The following PCDHA12 variants were observed in gnomAD, a reference collection of about 807,000 sequenced individuals.
PCDHA12 encodes protocadherin alpha-12.
In PCDHA12, 44 loss-of-function variants were observed where a neutral mutation model predicts 60.0. The ratio of observed to expected loss-of-function variants is 0.73; its 90% confidence interval spans 0.58 to 0.94. PCDHA12 has a LOEUF of 0.94. Among genes scored for constraint, PCDHA12 ranks in the 40% least tolerant of loss-of-function variants. The pLI, the probability that PCDHA12 is intolerant of heterozygous loss-of-function variation, is 0.00. For synonymous variants in PCDHA12, 569 were observed against 553.0 expected, an observed-to-expected ratio of 1.03 and a Z score of -0.40; for missense variants, 1,276 against 1,239.7, an observed-to-expected ratio of 1.03 and a Z score of -0.44.
intron 3 of PCDHA12, among the ~76,000 whole-genome samples, chr5:140,996,644 A>G (rs2097736322): frequency 6.6e-6 from 1 of 152,144 alleles, no homozygotes; most frequent in Non-Finnish European, 1.5e-5. Flanking sequence ...TATGTAGTTA[A>G]TCCTGGGTGC....
intron 1 of PCDHA12, among the ~76,000 whole-genome samples, chr5:140,970,926 G>A (rs1179837731): frequency 6.6e-6 from 1 of 152,154 alleles, no homozygotes; most frequent in Non-Finnish European, 1.5e-5. Flanking sequence ...AGAAGTGCCT[G>A]GTGTTAGTCA....
At chr5:140,927,045 C>T (rs965998627) in intron 1 of PCDHA12, 8 of 1,612,136 alleles carry the variant, frequency 5.0e-6, no homozygotes, top group African/African-American at 1.3e-5. Flanking sequence ...CCGCTATGTC[C>T]TCGCGGAACT....
At chr5:140,974,372 G>A (rs782769705) in intron 1 of PCDHA12, among the ~76,000 whole-genome samples, 28 of 152,076 alleles carry the variant, frequency 1.8e-4, no homozygotes, top group Non-Finnish European at 4.0e-4. Flanking sequence ...AGCACTTTCT[G>A]TTGTACTGGA....
At chr5:140,965,195 T>C (rs1368041910) in intron 1 of PCDHA12, among the ~76,000 whole-genome samples, 3 of 152,198 alleles carry the variant, frequency 2.0e-5, no homozygotes, top group Admixed American at 6.5e-5. Context: ...CATGAGGCAA[T>C]AGATTTCAAA....
chr5:140,875,402 C>T lies in PCDHA12; in HGVS notation c.-71C>T. The T allele has an allele frequency of 6.7e-7, 1 of 1,488,874 alleles. No homozygotes were observed. The highest frequency in any genetic ancestry group is 8.9e-7 in the Non-Finnish European group (1 of 1,120,936). 92.2% of individuals were successfully genotyped at this position (1,488,874 alleles called of 1,614,324 possible). On this transcript the variant is annotated 5_prime_UTR_variant, in exon 1 of 4. Transcript: ENST00000398631. Reference sequence around the variant, plus strand: ...ATGTACTTACAGAAAAGGGTGACTGCTCATAAAATACCTCAGGCAAGCGAT... The same window carrying T: ...ATGTACTTACAGAAAAGGGTGACTGTTCATAAAATACCTCAGGCAAGCGAT...
intron 3 of PCDHA12, among the ~76,000 whole-genome samples, chr5:140,988,079 G>A (rs1431334458): frequency 6.6e-6 from 1 of 152,188 alleles, no homozygotes; most frequent in Non-Finnish European, 1.5e-5. Flanking sequence ...TATTTCATGA[G>A]TGAGTGCAGC....
intron 1 of PCDHA12, chr5:140,966,748 T>G: frequency 1.4e-6 from 2 of 1,426,956 alleles, no homozygotes; most frequent in Non-Finnish European, 1.8e-6. Flanking sequence ...CCCGGCTGCC[T>G]CCGCCGCGGC....
chr5:140,978,642 C>T (rs140934683), intron 1 of PCDHA12, among the ~76,000 whole-genome samples: 126 of 152,354 alleles, frequency 8.3e-4, no homozygotes, highest in African/African-American at 2.8e-3. Context: ...TCAAAGCAGA[C>T]TGTTCTTCCC....
intron 1 of PCDHA12, among the ~76,000 whole-genome samples, chr5:140,946,631 T>TATATATATATATATATATACACAC (rs57893927): frequency 7.6e-6 from 1 of 131,846 alleles, no homozygotes; most frequent in South Asian, 2.2e-4. Context: ...TATATATATA[T>TATATATATATATATATATACACAC]ACAATGGAAT....
intron 1 of PCDHA12, chr5:140,882,402 T>A (rs782437506): frequency 3.7e-6 from 6 of 1,614,052 alleles, no homozygotes; most frequent in South Asian, 1.1e-5. Flanking sequence ...GGCACCTTCG[T>A]GGGCCGCATC....
At chr5:140,961,876 T>G (rs929753490) in intron 1 of PCDHA12, among the ~76,000 whole-genome samples, 1 of 151,746 alleles carries the variant, frequency 6.6e-6, no homozygotes, top group South Asian at 2.1e-4. Context: ...ATAATTGACT[T>G]ACTTACATCA....
At chr5:141,006,813 T>C (rs1171771789) in intron 3 of PCDHA12, among the ~76,000 whole-genome samples, 1 of 152,018 alleles carries the variant, frequency 6.6e-6, no homozygotes, top group African/African-American at 2.4e-5. Flanking sequence ...GCTTGAGAAA[T>C]GGGGTAAATG....
chr5:140,972,552 T>G (rs1247039171), intron 1 of PCDHA12, among the ~76,000 whole-genome samples: 1 of 152,160 alleles, frequency 6.6e-6, no homozygotes, highest in Admixed American at 6.5e-5. Flanking sequence ...CAGTGAGGAT[T>G]CTGAAGTAAC....
At chr5:140,956,403 A>C (rs1475566345) in intron 1 of PCDHA12, among the ~76,000 whole-genome samples, 1 of 152,178 alleles carries the variant, frequency 6.6e-6, no homozygotes, top group African/African-American at 2.4e-5. Context: ...ATCCATTGAG[A>C]TAATCATGTG....
At chr5:140,976,241 T>C (rs1170027788) in intron 1 of PCDHA12, among the ~76,000 whole-genome samples, 3 of 152,144 alleles carry the variant, frequency 2.0e-5, no homozygotes, top group African/African-American at 4.8e-5. Context: ...TGTCATTTCA[T>C]GTAAATTTAT....
In PCDHA12 at chr5:140,882,900, T is replaced by C. The variant is rs151159619; in HGVS notation, c.2367+5061T>C. 8.7e-6 allele frequency: 14 copies of C among 1,614,106 alleles called. No individual in the cohort carries two copies. In the African/African-American group the frequency reaches 1.2e-4, roughly 14 times the overall value. The stretch of plus-strand genomic sequence containing the variant: ...GAGGAAATTCAGGAACATAGTTTAT[T>C]ACTGACAGCCAGTGATGGAGGTAAA... On this transcript the variant is annotated intron_variant, in intron 1 of 3. Transcript: ENST00000398631.
intron 1 of PCDHA12, chr5:140,968,172 T>C (rs2096226402): frequency 6.2e-7 from 1 of 1,614,110 alleles, no homozygotes; most frequent in Non-Finnish European, 8.5e-7. Flanking sequence ...CCACCAAGCT[T>C]CCTGGAGGAC....
intron 2 of PCDHA12, among the ~76,000 whole-genome samples, chr5:140,980,036 G>T (rs952735379): frequency 6.6e-6 from 1 of 152,176 alleles, no homozygotes; most frequent in African/African-American, 2.4e-5. Context: ...ATTACATTGG[G>T]TGCTATTTCT....
intron 1 of PCDHA12, among the ~76,000 whole-genome samples, chr5:140,901,632 G>A (rs768343428): frequency 6.6e-5 from 10 of 152,172 alleles, no homozygotes; most frequent in Non-Finnish European, 1.3e-4. Flanking sequence ...GTCAGGTAAT[G>A]TGATTCTTCC....
Sources: gnomAD v4.1 joint callset for allele counts (sites outside exome capture counted in the v4.1 genomes callset) on GRCh38, gnomAD v4.1.1 for gene constraint, MANE v1.5 for transcripts, NCBI Gene and HGNC (gene_info 2026-07-23, HGNC 2026-07-21) for gene names.